NRG1: variants seen among roughly 807,000 people sequenced by gnomAD.
The protein encoded by NRG1 is neuregulin 1, also known as pro-neuregulin-1, membrane-bound isoform.
NRG1 carries 18 observed loss-of-function variants against 63.8 expected under a neutral mutation model. The ratio of observed to expected loss-of-function variants is 0.28; its 90% CI spans 0.19 to 0.42. NRG1 has a LOEUF of 0.42. Ranked by LOEUF, NRG1 falls within the 10% of genes least tolerant of loss-of-function variation. The pLI is 1.00. For missense variants in NRG1, 762 were observed against 814.7 expected (o/e 0.94, Z 0.79); for synonymous variants, 302 against 301.3 (o/e 1.00, Z -0.02).
chr8:32,584,833 G>A (rs1841331762), intron 1 of NRG1, among the ~76,000 whole-genome samples: 1 of 152,132 alleles, frequency 6.6e-6, no homozygotes, highest in Admixed American at 6.6e-5. Flanking sequence ...TATATGCACT[G>A]CTTAAAAGTT....
chr8:32,563,976 C>T (rs1001746419), intron 1 of NRG1, among the ~76,000 whole-genome samples: 1 of 152,092 alleles, frequency 6.6e-6, no homozygotes, highest in South Asian at 2.1e-4. Context: ...CTATTCTCCT[C>T]TCGATAAAAT....
chr8:32,503,251 C>T (rs1364976900), intron 1 of NRG1, among the ~76,000 whole-genome samples: 1 of 124,684 alleles, frequency 8.0e-6, no homozygotes, highest in African/African-American at 3.1e-5. Context: ...GGTGCCACTG[C>T]ACTCCAGCCT....
At chr8:32,589,214 G>A (rs918216527) in intron 1 of NRG1, among the ~76,000 whole-genome samples, 3 of 152,328 alleles carry the variant, frequency 2.0e-5, no homozygotes, top group African/African-American at 4.8e-5. Context: ...AGATGGAAGA[G>A]CACAAAGTTT....
At chr8:31,993,676 C>A (rs1181630076) in intron 1 of NRG1, among the ~76,000 whole-genome samples, 1 of 151,934 alleles carries the variant, frequency 6.6e-6, no homozygotes, top group Admixed American at 6.6e-5. Context: ...TTATAAATTG[C>A]CCAGTCTCAG....
intron 1 of NRG1, among the ~76,000 whole-genome samples, chr8:31,964,842 AC>A (rs1160660529): frequency 3.3e-5 from 5 of 152,192 alleles, no homozygotes; most frequent in African/African-American, 1.2e-4. Flanking sequence ...GTCTAGAGAC[AC>A]CCAGCTGATA....
intron 1 of NRG1, among the ~76,000 whole-genome samples, chr8:32,448,538 TC>T (rs1820557589): frequency 6.6e-6 from 1 of 152,186 alleles, no homozygotes; most frequent in African/African-American, 2.4e-5. Context: ...TGAGTTGTTT[TC>T]TTTTATTTCT....
intron 1 of NRG1, among the ~76,000 whole-genome samples, chr8:31,978,344 CTGTT>C (rs1350790820): frequency 3.3e-5 from 5 of 152,072 alleles, no homozygotes; most frequent in African/African-American, 7.2e-5. Context: ...TCTCCACTCT[CTGTT>C]TGATTTTTAT....
At chr8:32,198,245 T>A (rs1031418219) in intron 1 of NRG1, among the ~76,000 whole-genome samples, 2 of 152,204 alleles carry the variant, frequency 1.3e-5, no homozygotes, top group African/African-American at 2.4e-5. Flanking sequence ...TGGCATGATC[T>A]TGGCTCACTG....
chr8:32,727,827 G>T, intron 5 of NRG1, 122 bp from the exon 6 acceptor site: 1 of 914,612 alleles, frequency 1.1e-6, no homozygotes, highest in South Asian at 1.8e-5. Flanking sequence ...TGTAAGGTCT[G>T]CAAGTTTAGT....
intron 1 of NRG1, among the ~76,000 whole-genome samples, chr8:32,232,651 C>G (rs1019911332): frequency 6.6e-6 from 1 of 152,098 alleles, no homozygotes; most frequent in African/African-American, 2.4e-5. Context: ...TTTTTGCTGT[C>G]CCTGGTCATG....
chr8:32,537,779 T>C (rs1211450756), intron 1 of NRG1, among the ~76,000 whole-genome samples: 1 of 152,120 alleles, frequency 6.6e-6, no homozygotes, highest in Non-Finnish European at 1.5e-5. Context: ...AGAGTCAGAG[T>C]TCAAAGCTCG....
intron 1 of NRG1, among the ~76,000 whole-genome samples, chr8:32,473,771 A>C (rs1824137168): frequency 6.6e-6 from 1 of 151,966 alleles, no homozygotes; most frequent in African/African-American, 2.4e-5. Flanking sequence ...GCAGCCTCAA[A>C]CTCCTGGGCT....
chr8:31,657,448 T>C (rs1053208501), intron 1 of NRG1, among the ~76,000 whole-genome samples: 2 of 152,114 alleles, frequency 1.3e-5, no homozygotes, highest in African/African-American at 4.8e-5. Context: ...AGACCAATGG[T>C]TTGTAAAATG....
At chr8:32,426,529 GATTT>G (rs1448158159) in intron 1 of NRG1, among the ~76,000 whole-genome samples, 2 of 152,122 alleles carry the variant, frequency 1.3e-5, no homozygotes, top group African/African-American at 2.4e-5. Flanking sequence ...ACTTCAGGTT[GATTT>G]ATTTGTTAAG....
At chr8:32,079,327 G>A (rs753536940) in intron 1 of NRG1, among the ~76,000 whole-genome samples, 23 of 152,012 alleles carry the variant, frequency 1.5e-4, no homozygotes, top group Non-Finnish European at 2.6e-4. Flanking sequence ...CTTTACAGGT[G>A]GGAATGAGTT....
At chr8:32,181,338 A>T (rs1242422576) in intron 1 of NRG1, among the ~76,000 whole-genome samples, 1 of 152,148 alleles carries the variant, frequency 6.6e-6, no homozygotes, top group Non-Finnish European at 1.5e-5. Context: ...CTATAGTTTC[A>T]TTCACTCTCT....
intron 1 of NRG1, among the ~76,000 whole-genome samples, chr8:31,744,986 G>T (rs780397545): frequency 1.3e-5 from 2 of 151,832 alleles, no homozygotes; most frequent in African/African-American, 2.4e-5. Flanking sequence ...TAATGTTGAG[G>T]TTTCACAGTA....
rs73576663 is a variant in NRG1 at position 32,205,366 on chromosome 8, T to C, written c.38-390462T>C. ...CCCCAGTGATTCTCTGAACGTGTGT[T>C]ACTACCATCCAGGAGCAGAACTATA... On this transcript the variant is annotated intron_variant, in intron 1 of 10. Coordinates refer to the NRG1 transcript ENST00000519301. 3.9e-3 allele frequency among the ~76,000 whole-genome samples: 596 copies of C among 152,306 alleles called. 3 individuals are homozygous for C. The highest frequency in any genetic ancestry group is 0.013 in the African/African-American group (560 of 41,580).
chr8:31,673,598 C>T (rs1563279039), intron 1 of NRG1, among the ~76,000 whole-genome samples: 1 of 152,102 alleles, frequency 6.6e-6, no homozygotes, highest in Non-Finnish European at 1.5e-5. Context: ...TCTATTTTCT[C>T]CTGTAGTCTA....
Sources: allele counts gnomAD v4.1 joint callset (sites outside exome capture counted in the v4.1 genomes callset), GRCh38; gene constraint gnomAD v4.1.1; transcripts MANE v1.5; gene names NCBI Gene and HGNC (gene_info 2026-07-23, HGNC 2026-07-21).